Variants in SIPA1L2 observed in about 807,000 individuals in gnomAD.
The protein encoded by SIPA1L2 is signal induced proliferation associated 1 like 2, also known as signal-induced proliferation-associated 1-like protein 2.
A neutral mutation model predicts 163.9 loss-of-function variants in SIPA1L2; 56 were observed. The observed-to-expected ratio is 0.34, with a 90% confidence interval of 0.28 to 0.43. The LOEUF is 0.43. Ranked by LOEUF, SIPA1L2 falls within the 20% of genes least tolerant of loss-of-function variation. SIPA1L2 has a pLI of 1.00. For synonymous variants in SIPA1L2, 877 were observed against 865.7 expected (o/e 1.01, Z -0.23); for missense variants, 1,974 against 2,193.5 (o/e 0.90, Z 2.00).
chr1:232,595,075 T>C (rs963662021), intron 1 of SIPA1L2, among the ~76,000 whole-genome samples: 1 of 152,174 alleles, frequency 6.6e-6, no homozygotes, highest in Non-Finnish European at 1.5e-5. Context: ...CAGGAACAGC[T>C]ACACAACCGT....
chr1:232,439,293 G>T lies in SIPA1L2; in HGVS notation c.3846C>A (p.His1282Gln), dbSNP rs771288105. ...CMPATILGPV[H>Q]LAGSRSLIHS... ...GGATCAGGGACCTGCTGCCTGCCAG[G>T]TGCACAGGGCCGAGGATGGTGGCAG... The change falls in exon 15 of 23, where the codon CAC (histidine) becomes CAA (glutamine). Residue 1282 changes from histidine (H) to glutamine (Q), a missense_variant. Physicochemically the swap from His to Gln is conservative, Grantham distance 24. Coordinates refer to ENST00000674635, the MANE Select transcript of SIPA1L2 (RefSeq NM_020808.5). 4 of 1,614,048 alleles carry T rather than the reference G, an allele frequency of 2.5e-6. No homozygotes were observed. Among genetic ancestry groups the T allele is most frequent in the Non-Finnish European group, 3.4e-6 (4 of 1,180,050 alleles).
chr1:232,608,047 C>CAAA (rs56208215), intron 1 of SIPA1L2, among the ~76,000 whole-genome samples: 9 of 67,482 alleles, frequency 1.3e-4, no homozygotes, highest in African/African-American at 3.4e-4. Flanking sequence ...AACTCCATCT[C>CAAA]AAAAAAAAAA....
chr1:232,452,671 C>A (rs1334259075), intron 10 of SIPA1L2, among the ~76,000 whole-genome samples: 2 of 152,194 alleles, frequency 1.3e-5, no homozygotes, highest in Admixed American at 1.3e-4. Context: ...ACCGTCAAGA[C>A]CATCACTGTT....
rs148571671 is a variant in SIPA1L2, at chr1:232,470,267, G to A, written c.2243+1104C>T. On this transcript the variant is annotated intron_variant, in intron 8 of 22. Coordinates refer to ENST00000674635, the MANE Select transcript of SIPA1L2 (RefSeq NM_020808.5). ...CCAGTGGTCTGAAACCCAGATGTGC[G>A]TAAGAATGACTATGGAGGGAAGTAT... Among the ~76,000 whole-genome samples the A allele has an allele frequency of 2.6e-3, 392 of 152,262 alleles. 3 individuals are homozygous for A. The highest frequency in any genetic ancestry group is 8.8e-3 in the African/African-American group (366 of 41,546).
chr1:232,530,565 T>C (rs561565544), intron 2 of SIPA1L2, among the ~76,000 whole-genome samples: 2 of 152,014 alleles, frequency 1.3e-5, no homozygotes, highest in Admixed American at 6.5e-5. Context: ...AAAAGGTAAA[T>C]ACTCCTTTTC....
chr1:232,488,308 T>A (rs915896504), intron 5 of SIPA1L2, among the ~76,000 whole-genome samples: 2 of 152,128 alleles, frequency 1.3e-5, no homozygotes, highest in Non-Finnish European at 2.9e-5. Flanking sequence ...CTTAGACCAA[T>A]AACAAAATTG....
In SIPA1L2 at chr1:232,403,636, G is replaced by A. The variant is rs1660477543; in HGVS notation, c.4817-65C>T. ...AATCAATGCAAGGCAATGTTTCTTT[G>A]TGGAAATGCAATAGCTAAATAAAAT... On this transcript the variant is annotated intron_variant, in intron 20 of 22. Transcript: ENST00000674635. 2.6e-6 allele frequency: 4 copies of A among 1,523,076 alleles called. No homozygotes were observed. In the South Asian group the frequency reaches 5.2e-5, roughly 20 times the overall value. 94.3% of individuals were successfully genotyped at this position (1,523,076 alleles called of 1,614,324 possible).
chr1:232,583,686 T>C (rs570418025), intron 1 of SIPA1L2, among the ~76,000 whole-genome samples: 2 of 152,336 alleles, frequency 1.3e-5, no homozygotes, highest in East Asian at 3.9e-4. Context: ...ATTCTCTATT[T>C]TAAGGACAGC....
At chr1:232,506,305 C>T (rs1173196252) in intron 3 of SIPA1L2, among the ~76,000 whole-genome samples, 1 of 152,156 alleles carries the variant, frequency 6.6e-6, no homozygotes, top group African/African-American at 2.4e-5. Context: ...CTGCTCTAAG[C>T]CCTTTACAGG....
intron 1 of SIPA1L2, among the ~76,000 whole-genome samples, chr1:232,582,348 CAT>C (rs1386763724): frequency 3.9e-5 from 6 of 152,062 alleles, no homozygotes; most frequent in Non-Finnish European, 8.8e-5. Context: ...ATCTTATTCC[CAT>C]GTTTACATCC....
At chr1:232,594,646 CTTTT>C (rs960935164) in intron 1 of SIPA1L2, among the ~76,000 whole-genome samples, 9 of 152,180 alleles carry the variant, frequency 5.9e-5, no homozygotes, top group African/African-American at 1.4e-4. Flanking sequence ...TCTAGCTATT[CTTTT>C]TAAGTTTTTT....
chr1:232,431,169 A>T (rs1662215571), intron 16 of SIPA1L2, among the ~76,000 whole-genome samples: 1 of 152,246 alleles, frequency 6.6e-6, no homozygotes, highest in Non-Finnish European at 1.5e-5. Context: ...AACTTAAAAA[A>T]GGCTTGGAAT....
intron 1 of SIPA1L2, among the ~76,000 whole-genome samples, chr1:232,605,374 T>C (rs1215752150): frequency 2.0e-5 from 3 of 152,052 alleles, no homozygotes; most frequent in African/African-American, 7.2e-5. Flanking sequence ...GAACAAACCA[T>C]GGTAGGTGTT....
intron 18 of SIPA1L2, among the ~76,000 whole-genome samples, chr1:232,421,919 T>C (rs1372331147): frequency 4.6e-5 from 7 of 152,190 alleles, no homozygotes; most frequent in Non-Finnish European, 1.0e-4. Context: ...ATAGGAAGAT[T>C]TCAGAGTTTT....
chr1:232,570,943 T>C (rs1030067804), intron 2 of SIPA1L2, among the ~76,000 whole-genome samples: 1 of 95,138 alleles, frequency 1.1e-5, no homozygotes, highest in African/African-American at 4.2e-5. Context: ...GGCCAGAAAC[T>C]ATAAAAAAAA....
At chr1:232,536,616 C>A (rs1558252472) in intron 2 of SIPA1L2, among the ~76,000 whole-genome samples, 3 of 152,150 alleles carry the variant, frequency 2.0e-5, no homozygotes, top group Non-Finnish European at 4.4e-5. Flanking sequence ...AATCTGTCAA[C>A]GGACTGGTGA....
chr1:232,413,961 C>T (rs1055290975), intron 19 of SIPA1L2, among the ~76,000 whole-genome samples: 1 of 152,090 alleles, frequency 6.6e-6, no homozygotes, highest in African/African-American at 2.4e-5. Context: ...GTAAAGACAG[C>T]GTCCCTGTGC....
At chr1:232,544,930 T>C (rs563844072) in intron 2 of SIPA1L2, among the ~76,000 whole-genome samples, 2 of 152,212 alleles carry the variant, frequency 1.3e-5, no homozygotes, top group East Asian at 3.9e-4. Context: ...ATCCAGCATA[T>C]GAATTCTTTT....
In SIPA1L2 at chr1:232,612,603, C is replaced by T. The variant is rs148031010; in HGVS notation, c.-319+17266G>A. 2.7e-3 allele frequency among the ~76,000 whole-genome samples: 416 copies of T among 152,278 alleles called. 3 individuals carry two copies. The highest frequency in any genetic ancestry group is 9.6e-3 in the African/African-American group (400 of 41,546). On this transcript the variant is annotated intron_variant, in intron 1 of 22. Coordinates refer to ENST00000674635, the MANE Select transcript of SIPA1L2 (RefSeq NM_020808.5). ...TTCAGACTTGCATGGGCCCTGTAAC[C>T]CCTTTGTTTTGGTCAGTTTCTCCCA...
Sources: allele counts gnomAD v4.1 joint callset (sites outside exome capture counted in the v4.1 genomes callset), GRCh38; gene constraint gnomAD v4.1.1; transcripts MANE v1.5; gene names NCBI Gene and HGNC (gene_info 2026-07-23, HGNC 2026-07-21).